ST6GALNAC5: variants seen among roughly 807,000 people sequenced by gnomAD.
ST6GALNAC5 encodes the protein ST6 N-acetylgalactosaminide alpha-2,6-sialyltransferase 5.
Under a neutral mutation model 33.6 loss-of-function variants are expected in ST6GALNAC5, and 27 were observed. The observed-to-expected ratio is 0.80, with a 90% CI of 0.59 to 1.11. ST6GALNAC5 has a LOEUF of 1.11. Ranked by LOEUF, ST6GALNAC5 falls within the 50% of genes least tolerant of loss-of-function variation. ST6GALNAC5 has a pLI of 0.00. For missense variants in ST6GALNAC5, 428 were observed against 454.0 expected, an observed-to-expected ratio of 0.94 and a Z score of 0.52; for synonymous variants, 194 against 171.2, an observed-to-expected ratio of 1.13 and a Z score of -1.04.
At chr1:76,965,505 T>C (rs1351140481) in intron 2 of ST6GALNAC5, among the ~76,000 whole-genome samples, 2 of 152,230 alleles carry the variant, frequency 1.3e-5, no homozygotes, top group East Asian at 3.8e-4. Flanking sequence ...TTCTAGATAT[T>C]AGCCCTTTAT....
intron 2 of ST6GALNAC5, among the ~76,000 whole-genome samples, chr1:76,908,971 T>A (rs1646888024): frequency 6.6e-6 from 1 of 152,196 alleles, no homozygotes; most frequent in Non-Finnish European, 1.5e-5. Context: ...ATTTGATTTA[T>A]CCTTACTTTA....
intron 2 of ST6GALNAC5, among the ~76,000 whole-genome samples, chr1:76,880,549 C>T (rs914698676): frequency 6.6e-6 from 1 of 152,144 alleles, no homozygotes; most frequent in African/African-American, 2.4e-5. Context: ...CAAAAAGAGC[C>T]AGTCCGAGTC....
At chr1:77,057,386 T>C (rs761757534) in intron 4 of ST6GALNAC5, among the ~76,000 whole-genome samples, 11 of 152,226 alleles carry the variant, frequency 7.2e-5, no homozygotes, top group African/African-American at 2.7e-4. Context: ...ATTTATTTAA[T>C]ATAAATTTTA....
chr1:77,032,242 C>A (rs141365545), intron 2 of ST6GALNAC5, among the ~76,000 whole-genome samples: 5 of 152,128 alleles, frequency 3.3e-5, no homozygotes, highest in African/African-American at 1.2e-4. Flanking sequence ...AGAGAGGAAC[C>A]ATGAGAGGCA....
At chr1:76,905,829 T>C (rs150304473) in intron 2 of ST6GALNAC5, among the ~76,000 whole-genome samples, 91 of 152,292 alleles carry the variant, frequency 6.0e-4, no homozygotes, top group African/African-American at 2.1e-3. Flanking sequence ...TTTAGATTTA[T>C]TTGACATATA....
At chr1:76,876,182 C>T (rs767957725) in intron 2 of ST6GALNAC5, among the ~76,000 whole-genome samples, 1 of 152,178 alleles carries the variant, frequency 6.6e-6, no homozygotes, top group African/African-American at 2.4e-5. Flanking sequence ...ATATAATCAA[C>T]CTGCCACCAG....
At position 77,063,251 on chromosome 1, in the gene ST6GALNAC5, G is replaced by A; in HGVS notation, c.*45G>A. ...GTAATCCCAGGTATTCACTGCATCA[G>A]ACACCGAGACACTGAACTTCCTGAG... On this transcript the variant is annotated 3_prime_UTR_variant, in exon 5 of 5. Coordinates refer to ENST00000477717, the MANE Select transcript of ST6GALNAC5 (RefSeq NM_030965.3). The A allele has an allele frequency of 1.3e-6, 2 of 1,547,664 alleles. No individual in the cohort carries two copies. Among genetic ancestry groups the A allele is most frequent in the Non-Finnish European group, 1.8e-6 (2 of 1,125,034 alleles).
At chr1:76,923,187 C>T (rs144504261) in intron 2 of ST6GALNAC5, among the ~76,000 whole-genome samples, 9 of 151,218 alleles carry the variant, frequency 6.0e-5, no homozygotes, top group Admixed American at 5.3e-4. Context: ...TGGTAAAAGG[C>T]ATATAAGATC....
At chr1:76,940,476 T>C (rs749334779) in intron 2 of ST6GALNAC5, among the ~76,000 whole-genome samples, 4 of 152,042 alleles carry the variant, frequency 2.6e-5, no homozygotes, top group Non-Finnish European at 4.4e-5. Flanking sequence ...CACAAGCACA[T>C]ACATGTTAGT....
intron 4 of ST6GALNAC5, among the ~76,000 whole-genome samples, chr1:77,058,344 G>A (rs531743196): frequency 7.9e-4 from 120 of 152,340 alleles, no homozygotes; most frequent in South Asian, 2.7e-3. Context: ...AGTGTTGGAC[G>A]TGGGGCCTAG....
chr1:76,953,368 T>A (rs1647830217), intron 2 of ST6GALNAC5, among the ~76,000 whole-genome samples: 1 of 152,160 alleles, frequency 6.6e-6, no homozygotes, highest in Admixed American at 6.6e-5. Flanking sequence ...ATTTTAGCAG[T>A]TCTAATTGCT....
intron 4 of ST6GALNAC5, among the ~76,000 whole-genome samples, chr1:77,053,721 A>G (rs577608203): frequency 6.6e-6 from 1 of 152,346 alleles, no homozygotes; most frequent in South Asian, 2.1e-4. Context: ...TAGATGAGGA[A>G]TGCTTAGCAA....
intron 2 of ST6GALNAC5, among the ~76,000 whole-genome samples, chr1:76,879,256 T>C (rs1049203176): frequency 1.3e-5 from 2 of 152,182 alleles, no homozygotes. Flanking sequence ...CATTTCCAGC[T>C]CACTCACAGT....
intron 2 of ST6GALNAC5, among the ~76,000 whole-genome samples, chr1:77,003,842 G>A (rs1175974792): frequency 1.6e-4 from 24 of 147,652 alleles, no homozygotes; most frequent in Admixed American, 1.2e-3. Flanking sequence ...TGGCTTGTAG[G>A]GTTTCTGCCG....
chr1:77,036,093 T>C (rs1651635682), intron 2 of ST6GALNAC5, among the ~76,000 whole-genome samples: 1 of 152,174 alleles, frequency 6.6e-6, no homozygotes, highest in South Asian at 2.1e-4. Flanking sequence ...TACATATGTG[T>C]ATATGTACAA....
chr1:76,994,292 T>C (rs1249838436), intron 2 of ST6GALNAC5, among the ~76,000 whole-genome samples: 4 of 152,172 alleles, frequency 2.6e-5, no homozygotes, highest in African/African-American at 9.7e-5. Flanking sequence ...TAAAATGCGG[T>C]ATAACAACTT....
intron 2 of ST6GALNAC5, among the ~76,000 whole-genome samples, chr1:77,035,000 T>A (rs1166282719): frequency 1.3e-5 from 2 of 152,156 alleles, no homozygotes; most frequent in African/African-American, 4.8e-5. Context: ...TTCTGTAAAA[T>A]GAGGATGCTG....
chr1:76,902,476 G>C (rs1007543541), intron 2 of ST6GALNAC5, among the ~76,000 whole-genome samples: 8 of 152,090 alleles, frequency 5.3e-5, no homozygotes, highest in Admixed American at 2.0e-4. Flanking sequence ...TACAATCTCT[G>C]TTGCAACTGG....
intron 2 of ST6GALNAC5, among the ~76,000 whole-genome samples, chr1:76,969,689 G>T (rs1050026127): frequency 6.6e-6 from 1 of 152,156 alleles, no homozygotes; most frequent in Non-Finnish European, 1.5e-5. Flanking sequence ...TCCCAGCATG[G>T]TGTTTGAGCT....
Sources: gnomAD v4.1 joint callset for allele counts (sites outside exome capture counted in the v4.1 genomes callset) on GRCh38, gnomAD v4.1.1 for gene constraint, MANE v1.5 for transcripts, NCBI Gene and HGNC (gene_info 2026-07-23, HGNC 2026-07-21) for gene names.